CD3D: variants seen among roughly 807,000 people sequenced by gnomAD.
CD3D encodes the protein T-cell surface glycoprotein CD3 delta chain.
In CD3D, 22 loss-of-function variants were observed where a neutral mutation model predicts 22.0. The ratio of observed to expected loss-of-function variants is 1.00; its 90% CI spans 0.71 to 1.43. The LOEUF (loss-of-function observed/expected upper bound fraction) is 1.43. Ranked by LOEUF, CD3D falls within the 40% of genes most tolerant of loss-of-function variation. The probability of loss-of-function intolerance (pLI) is 0.00; values close to 1 mark genes in which losing one functional copy is unlikely to be tolerated. For missense variants in CD3D, 205 were observed against 211.7 expected (o/e 0.97, Z 0.20); for synonymous variants, 74 against 81.2 (o/e 0.91, Z 0.48).
chr11:118,339,628 T>C, intron 3 of CD3D, 134 bp from the exon 4 acceptor site: 1 of 1,554,298 alleles, frequency 6.4e-7, no homozygotes, highest in Non-Finnish European at 8.8e-7. Context: ...TAGGAGTCTT[T>C]AGGAGATTGC....
intron 3 of CD3D, 27 bp downstream of exon 3, chr11:118,339,748 A>G (rs201890306): frequency 6.2e-7 from 1 of 1,611,560 alleles, no homozygotes; most frequent in Non-Finnish European, 8.5e-7. Flanking sequence ...ACACAAACAC[A>G]CTCTCATGCT....
chr11:118,340,815 G>C, intron 1 of CD3D: 1 of 671,508 alleles, frequency 1.5e-6, no homozygotes, highest in Non-Finnish European at 2.7e-6. Flanking sequence ...CAGAGGACAG[G>C]TCTTGGGGCC....
intron 4 of CD3D, 89 bp from the exon 5 acceptor site, chr11:118,339,316 G>C: frequency 6.7e-7 from 1 of 1,491,582 alleles, no homozygotes; most frequent in Non-Finnish European, 9.4e-7. Context: ...GAGAGCTCCT[G>C]CCTGACCTCT....
At position 118,339,102 on chromosome 11, in the gene CD3D, T is replaced by A; in HGVS notation, c.*60A>T. 2 of 1,408,162 alleles carry A rather than the reference T, an allele frequency of 1.4e-6. No individual in the cohort carries two copies. Among genetic ancestry groups the A allele is most frequent in the Non-Finnish European group, 2.0e-6 (2 of 992,020 alleles). 87.2% of individuals were successfully genotyped at this position (1,408,162 alleles called of 1,614,324 possible). On this transcript the variant is annotated 3_prime_UTR_variant, in exon 5 of 5. Transcript: ENST00000300692. Reference sequence around the variant, plus strand: ...AGTGAAAGAGGATATATTTATTGGCTGAGCAAGAAGGGAAGGTACAGTTGG... The same window carrying A: ...AGTGAAAGAGGATATATTTATTGGCAGAGCAAGAAGGGAAGGTACAGTTGG...
intron 1 of CD3D, chr11:118,340,931 C>T (rs1268109604): frequency 1.8e-6 from 1 of 546,918 alleles, no homozygotes; most frequent in East Asian, 4.6e-5. Context: ...CACTGAAGCA[C>T]CTGGAAGATG....
chr11:118,340,008 CA>C, intron 2 of CD3D, 102 bp from the exon 3 acceptor site: 1 of 1,416,542 alleles, frequency 7.1e-7, no homozygotes, highest in Non-Finnish European at 9.9e-7. Flanking sequence ...TGCCAAAACC[CA>C]AACTTCAATA....
Position 118,339,339 on chromosome 11 carries a change from A to G in CD3D, c.450+112T>C. 2.7e-6 allele frequency: 4 copies of G among 1,479,626 alleles called. No homozygotes were observed. In the South Asian group the frequency reaches 4.5e-5, roughly 17 times the overall value. 91.7% of individuals were successfully genotyped at this position (1,479,626 alleles called of 1,614,324 possible). Reference sequence around the variant, plus strand: ...CTGCCTGACCTCTCCAGTCACACCCAGCAATGAACTCCCCAGTAGGACCCT... The same window carrying G: ...CTGCCTGACCTCTCCAGTCACACCCGGCAATGAACTCCCCAGTAGGACCCT... On this transcript the variant is annotated intron_variant, in intron 4 of 4. Transcript: ENST00000300692.
chr11:118,340,732 T>A lies in CD3D; in HGVS notation c.56-139A>T. ...TGGCTTCCATCAAGAGAGACAGAAG[T>A]CACAAGAAAAAGCCTTCAGAAAGTT... On this transcript the variant is annotated intron_variant, in intron 1 of 4. Coordinates refer to ENST00000300692, the MANE Select transcript of CD3D (RefSeq NM_000732.6). 5 of 733,680 alleles carry A rather than the reference T, an allele frequency of 6.8e-6. No individual in the cohort carries two copies. In the South Asian group the frequency reaches 7.5e-5, roughly 11 times the overall value. The allele number at this position is 733,680 out of a possible 1,614,324, so 45.4% of individuals were successfully genotyped here. A position where few individuals can be genotyped will look rare whatever the true frequency, so the allele number is the denominator to read the frequency against.
intron 2 of CD3D, 104 bp from the exon 3 acceptor site, chr11:118,340,010 A>G: frequency 2.9e-6 from 4 of 1,361,120 alleles, no homozygotes; most frequent in African/African-American, 2.9e-5. Flanking sequence ...CCAAAACCCA[A>G]ACTTCAATAA....
At chr11:118,339,670 C>G in intron 3 of CD3D, 105 bp downstream of exon 3, 1 of 1,579,458 alleles carries the variant, frequency 6.3e-7, no homozygotes, top group Non-Finnish European at 8.6e-7. Flanking sequence ...CTAAACCTAC[C>G]ACCAGCCCCA....
At chr11:118,340,039 T>C in intron 2 of CD3D, 133 bp from the exon 3 acceptor site, 1 of 1,061,376 alleles carries the variant, frequency 9.4e-7, no homozygotes, top group Non-Finnish European at 1.4e-6. Context: ...GAGAAAGGCC[T>C]GGTGATGGGC....
chr11:118,342,570 G>A lies in CD3D; in HGVS notation c.38C>T (p.Ala13Val). ...HSTFLSGLVL[A>V]TLLSQVSPFK... ...AGCCTTACCTTGCGAGAGAAGGGTA[G>A]CCAGTACCAGGCCAGAGAGAAACGT... The change falls in exon 1 of 5, where the codon GCT becomes GTT. Residue 13 changes from alanine (A) to valine (V), a missense_variant. Ala to Val is a moderately conservative substitution (Grantham distance 64). Transcript: ENST00000300692. The A allele has an allele frequency of 6.2e-7, 1 of 1,613,722 alleles. No homozygotes were observed. The highest frequency in any genetic ancestry group is 8.5e-7 in the Non-Finnish European group (1 of 1,179,724).
At position 118,340,608 on chromosome 11, in the gene CD3D, AT is replaced by A; in HGVS notation, c.56-16del. 1 of 1,574,110 alleles carries A rather than the reference AT, an allele frequency of 6.4e-7. No individual in the cohort carries two copies. The highest frequency in any genetic ancestry group is 8.7e-7 in the Non-Finnish European group (1 of 1,144,934). ...GAAGGGGCTCACTAAAGGGGAAAAA[AT>A]ATCACAGTTGGAGACAGCTCTTTGA... On this transcript the variant is annotated splice_polypyrimidine_tract_variant and intron_variant, in intron 1 of 4. Coordinates refer to ENST00000300692, the MANE Select transcript of CD3D (RefSeq NM_000732.6).
rs1419201314 is a variant in CD3D, at chr11:118,339,176, C to T, written c.502G>A (p.Ala168Thr). 6.2e-7 allele frequency: 1 copy of T among 1,613,804 alleles called. No individual in the cohort carries two copies. Among genetic ancestry groups the T allele is most frequent in the Non-Finnish European group, 8.5e-7 (1 of 1,179,936 alleles). ...CAGTCTCAGGTTCACTTGTTCCGAG[C>T]CCAGTTTCCTCCAAGGTGGCTGTAC... ...AQYSHLGGNW[A>T]RNK Residue 168 changes from alanine (A) to threonine (T), a missense_variant, in exon 5 of 5, where the codon GCT becomes ACT. Physicochemically the swap from Ala to Thr is moderately conservative, Grantham distance 58. Coordinates refer to ENST00000300692, the MANE Select transcript of CD3D (RefSeq NM_000732.6).
chr11:118,340,446 C>T lies in CD3D; in HGVS notation c.203G>A (p.Arg68Gln), dbSNP rs199795476. Residue 68 changes from arginine to glutamine, a missense_variant, in exon 2 of 5, where the codon CGA (arginine) becomes CAA (glutamine). Arg to Gln is a conservative substitution (Grantham distance 43, BLOSUM62 1). Coordinates refer to ENST00000300692, the MANE Select transcript of CD3D (RefSeq NM_000732.6). ...TGTCCCATTACACCTATATATTCCT[C>T]GTGGGTCCAGGATGCGTTTTCCCAG... ...LDLGKRILDP[R>Q]GIYRCNGTDI... The T allele has an allele frequency of 1.2e-6, 2 of 1,614,054 alleles. No homozygotes were observed. The highest frequency in any genetic ancestry group is 1.1e-5 in the South Asian group (1 of 91,076).
At position 118,340,417 on chromosome 11, in the gene CD3D, T is replaced by C. The variant is rs773529981; in HGVS notation, c.232A>G (p.Ile78Val). The change falls in exon 2 of 5, where the codon ATA becomes GTA. Residue 78 changes from isoleucine (I) to valine (V), a missense_variant. Physicochemically the swap from Ile to Val is conservative, Grantham distance 29. Transcript: ENST00000300692. ...ACGGTAGATTCTTTGTCCTTGTATA[T>C]ATCTGTCCCATTACACCTATATATT... is the stretch of plus-strand genomic sequence containing the variant. ...RGIYRCNGTD[I>V]YKDKESTVQV... 2.5e-6 allele frequency: 4 copies of C among 1,614,168 alleles called. No homozygotes were observed. The highest frequency in any genetic ancestry group is 3.4e-6 in the Non-Finnish European group (4 of 1,180,002).
Position 118,339,856 on chromosome 11 carries a change from C to T in CD3D, c.325G>A (p.Val109Ile). 1 of 1,614,014 alleles carries T rather than the reference C, an allele frequency of 6.2e-7. No individual in the cohort carries two copies. Among genetic ancestry groups the T allele is most frequent in the Non-Finnish European group, 8.5e-7 (1 of 1,179,998 alleles). ...AGCAGAGTGGCAATGACATCAGTGA[C>T]AATGATGCCAGCCACGGTGGCTGGA... ...LDPATVAGII[V>I]TDVIATLLLA... The change falls in exon 3 of 5, where the codon GTC becomes ATC. Residue 109 changes from valine to isoleucine, a missense_variant. Transcript: ENST00000300692.
At chr11:118,342,175 CTT>C (rs56058731) in intron 1 of CD3D, among the ~76,000 whole-genome samples, 38 of 144,746 alleles carry the variant, frequency 2.6e-4, no homozygotes, top group East Asian at 4.1e-4. Context: ...CCGAGAAGCA[CTT>C]TTTTTTTTTT....
In CD3D at chr11:118,339,165, C is replaced by T; in HGVS notation, c.513G>A (p.Lys171=). The T allele has an allele frequency of 6.2e-7, 1 of 1,613,914 alleles. No homozygotes were observed. Among genetic ancestry groups the T allele is most frequent in the Non-Finnish European group, 8.5e-7 (1 of 1,179,832 alleles). ...CTAGAAGCCACCAGTCTCAGGTTCA[C>T]TTGTTCCGAGCCCAGTTTCCTCCAA... is the stretch of plus-strand genomic sequence containing the variant. ...SHLGGNWARN[K] is the part of the protein sequence containing the mutation. Residue 171 remains lysine (K), a synonymous_variant, in exon 5 of 5, where the codon AAG becomes AAA. Transcript: ENST00000300692.
Sources: gnomAD v4.1 joint callset for allele counts (sites outside exome capture counted in the v4.1 genomes callset) on GRCh38, gnomAD v4.1.1 for gene constraint, MANE v1.5 for transcripts, NCBI Gene and HGNC (gene_info 2026-07-23, HGNC 2026-07-21) for gene names.